LARP1B: variants seen among roughly 807,000 people sequenced by gnomAD.
LARP1B encodes La ribonucleoprotein 1B, also known as la-related protein 1B.
A neutral mutation model predicts 114.2 loss-of-function variants in LARP1B; 76 were observed. The ratio of observed to expected loss-of-function variants is 0.67; its 90% CI spans 0.55 to 0.81. LARP1B has a LOEUF of 0.81. Among genes scored for constraint, LARP1B ranks in the 30% least tolerant of loss-of-function variants. The probability of loss-of-function intolerance (pLI) is 0.00; values close to 1 mark genes in which losing one functional copy is unlikely to be tolerated. For missense variants in LARP1B, 1,014 were observed against 1,075.8 expected (o/e 0.94, Z 0.80); for synonymous variants, 345 against 348.0 (o/e 0.99, Z 0.10).
chr4:128,170,120 C>A (rs1441416143), intron 12 of LARP1B, among the ~76,000 whole-genome samples: 1 of 151,806 alleles, frequency 6.6e-6, no homozygotes, highest in African/African-American at 2.4e-5. Context: ...TTTCAGTTAC[C>A]CCTCTGTTAT....
intron 8 of LARP1B, among the ~76,000 whole-genome samples, chr4:128,100,943 G>A (rs900992767): frequency 1.3e-5 from 2 of 150,062 alleles, no homozygotes; most frequent in Non-Finnish European, 3.0e-5. Flanking sequence ...TCAGCCTCCC[G>A]AGTAGCTGGG....
intron 6 of LARP1B, chr4:128,220,301 CA>C (rs1385226340): frequency 1.5e-6 from 1 of 683,204 alleles, no homozygotes; most frequent in Non-Finnish European, 1.8e-6. Context: ...TCTTTTCCTT[CA>C]ACTAATTTCT....
intron 15 of LARP1B, among the ~76,000 whole-genome samples, chr4:128,183,404 T>C (rs2150715084): frequency 6.6e-6 from 1 of 152,344 alleles, no homozygotes; most frequent in Admixed American, 6.5e-5. Flanking sequence ...CTGCTTATGC[T>C]CTATAAATAG....
chr4:128,083,646 A>T (rs1331487246), intron 5 of LARP1B, among the ~76,000 whole-genome samples: 1 of 114,392 alleles, frequency 8.7e-6, no homozygotes, highest in South Asian at 3.8e-4. Context: ...TCCCTCCCGG[A>T]CGGGGCGGCT....
chr4:128,122,606 G>C, intron 11 of LARP1B: 1 of 1,486,386 alleles, frequency 6.7e-7, no homozygotes. Context: ...AGTGGCTTTA[G>C]AGAGCACTCT....
chr4:128,127,860 C>T (rs1580761947), intron 11 of LARP1B, among the ~76,000 whole-genome samples: 1 of 152,026 alleles, frequency 6.6e-6, no homozygotes, highest in African/African-American at 2.4e-5. Flanking sequence ...AATTGAAGGA[C>T]TCATATTTTA....
chr4:128,200,597 T>C lies in LARP1B; in HGVS notation c.2241T>C (p.Asp747=). The C allele has an allele frequency of 6.3e-7, 1 of 1,596,694 alleles. No individual in the cohort carries two copies. Among genetic ancestry groups the C allele is most frequent in the East Asian group, 2.3e-5 (1 of 44,220 alleles). ...GTTTCTGGTCCTTTTTCCTCAGAGA[T>C]CACTTCAATAAAAAAATGTATGAGG... ...LFRFWSFFLR[D]HFNKKMYEEF... The change falls in exon 17 of 20, where the codon GAT becomes GAC. Residue 747 remains aspartate, a synonymous_variant. Transcript: ENST00000326639.
chr4:128,079,558 A>G (rs1057389209), intron 4 of LARP1B, among the ~76,000 whole-genome samples: 2 of 151,486 alleles, frequency 1.3e-5, no homozygotes, highest in Non-Finnish European at 2.9e-5. Context: ...TAATTTTTAA[A>G]TTTAAAAATG....
chr4:128,088,583 T>C (rs1774609020), intron 5 of LARP1B, among the ~76,000 whole-genome samples: 1 of 152,174 alleles, frequency 6.6e-6, no homozygotes, highest in Non-Finnish European at 1.5e-5. Flanking sequence ...AATGCATGTT[T>C]TCCAGCACAC....
At position 128,073,591 on chromosome 4, in the gene LARP1B, T is replaced by TTTTG. The variant is rs1766515979; in HGVS notation, c.-77-866_-77-865insGTTT. ...GTTGTCGTTTTTTTTTTTTTTTTTT[T>TTTTG]TTTTTTTTTTTTTTTTTTGGACAGA... On this transcript the variant is annotated intron_variant, in intron 1 of 19. Coordinates refer to ENST00000326639, the MANE Select transcript of LARP1B (RefSeq NM_018078.4). Among the ~76,000 whole-genome samples, 16 of 27,940 alleles carry TTTTG rather than the reference T, an allele frequency of 5.7e-4. 2 individuals are homozygous for TTTTG. Among genetic ancestry groups the TTTTG allele is most frequent in the African/African-American group, 1.7e-3 (16 of 9,152 alleles). The allele number at this position is 27,940 out of a possible 152,430, so 18.3% of individuals were successfully genotyped here.
intron 9 of LARP1B, among the ~76,000 whole-genome samples, chr4:128,110,648 G>C: frequency 1.2e-5 from 1 of 80,896 alleles, no homozygotes; most frequent in African/African-American, 4.9e-5. Context: ...CTGCACTCCA[G>C]CCTGGGCGAC....
At chr4:128,134,210 T>A (rs968374645) in intron 11 of LARP1B, among the ~76,000 whole-genome samples, 10 of 152,026 alleles carry the variant, frequency 6.6e-5, no homozygotes, top group African/African-American at 2.4e-4. Flanking sequence ...GGTCTTGTTA[T>A]ACCTGGTTTC....
chr4:128,138,816 G>T (rs985935381), intron 11 of LARP1B, among the ~76,000 whole-genome samples: 1 of 152,108 alleles, frequency 6.6e-6, no homozygotes, highest in Non-Finnish European at 1.5e-5. Context: ...AATTAGCCAG[G>T]CATGGTGGTA....
Position 128,189,756 on chromosome 4 carries a change from A to C in LARP1B, c.2004-9683A>C, listed in dbSNP as rs144952003. ...GCCATAGCTGTAAGTTATTTTAAAC[A>C]TATGACAACTTAACTTTGATCACAA... On this transcript the variant is annotated intron_variant, in intron 15 of 19. Coordinates refer to ENST00000326639, the MANE Select transcript of LARP1B (RefSeq NM_018078.4). Among the ~76,000 whole-genome samples the C allele has an allele frequency of 1.9e-4, 29 of 152,294 alleles. No homozygotes were observed. The East Asian group carries it at 5.4e-3, about 28-fold the overall frequency.
chr4:128,168,291 A>T (rs543790727), intron 12 of LARP1B, among the ~76,000 whole-genome samples: 8,040 of 145,224 alleles, frequency 0.055, 552 homozygotes, highest in African/African-American at 0.17. Flanking sequence ...TTTTTTTTAA[A>T]AAATTTTGCC....
chr4:128,172,347 TA>T (rs1238192243), intron 12 of LARP1B, among the ~76,000 whole-genome samples: 1 of 152,206 alleles, frequency 6.6e-6, no homozygotes, highest in African/African-American at 2.4e-5. Context: ...TATACATTTT[TA>T]ATCAAATTTG....
chr4:128,116,576 T>G (rs1785903643), intron 10 of LARP1B, among the ~76,000 whole-genome samples: 1 of 152,088 alleles, frequency 6.6e-6, no homozygotes, highest in South Asian at 2.1e-4. Flanking sequence ...AGGAGAACTG[T>G]GTAGTTTTAT....
intron 7 of LARP1B, among the ~76,000 whole-genome samples, chr4:128,220,819 G>C (rs1759958067): frequency 6.6e-6 from 1 of 152,126 alleles, no homozygotes; most frequent in African/African-American, 2.4e-5. Context: ...TTAATGAATG[G>C]ATCCTACCTA....
intron 15 of LARP1B, among the ~76,000 whole-genome samples, chr4:128,192,115 C>G (rs1752492406): frequency 6.6e-6 from 1 of 152,100 alleles, no homozygotes; most frequent in Admixed American, 6.6e-5. Context: ...TGCTTCTACT[C>G]TGCCATTTTG....
Sources: gnomAD v4.1 joint callset for allele counts (sites outside exome capture counted in the v4.1 genomes callset) on GRCh38, gnomAD v4.1.1 for gene constraint, MANE v1.5 for transcripts, NCBI Gene and HGNC (gene_info 2026-07-23, HGNC 2026-07-21) for gene names.